The following MYO1D variants were observed in gnomAD, a reference collection of about 807,000 sequenced individuals.
The protein encoded by MYO1D is unconventional myosin-Id.
A neutral mutation model predicts 122.0 loss-of-function variants in MYO1D; 83 were observed. The observed-to-expected ratio is 0.68, with a 90% CI of 0.57 to 0.82. The LOEUF is 0.82. Among genes scored for constraint, MYO1D ranks in the 40% least tolerant of loss-of-function variants. The pLI is 0.00. For synonymous variants in MYO1D, 464 were observed against 446.9 expected, an observed-to-expected ratio of 1.04 and a Z score of -0.48; for missense variants, 1,157 against 1,269.5, an observed-to-expected ratio of 0.91 and a Z score of 1.35.
In MYO1D at chr17:32,659,236, C is replaced by A; in HGVS notation, c.2224G>T (p.Glu742Ter). 6.2e-7 allele frequency: 1 copy of A among 1,614,194 alleles called. No individual in the cohort carries two copies. Among genetic ancestry groups the A allele is most frequent in the Non-Finnish European group, 8.5e-7 (1 of 1,180,036 alleles). ...RRYKVKSYIH[E>*]VARRFHGVKT... ...ACGCCATGGAAGCGTCTGGCCACCT[C>A]GTGGATGTACGACTTCACTTTGTAG... The change falls in exon 17 of 22, where the codon GAG becomes TAG. Residue 742 changes from glutamate (E) to a stop codon, truncating the protein, a stop_gained. Coordinates refer to ENST00000318217, the MANE Select transcript of MYO1D (RefSeq NM_015194.3). LOFTEE classifies it high-confidence loss of function.
chr17:32,833,094 G>A (rs1469157508), intron 1 of MYO1D, among the ~76,000 whole-genome samples: 1 of 152,092 alleles, frequency 6.6e-6, no homozygotes, highest in Non-Finnish European at 1.5e-5. Flanking sequence ...ACATCCACTT[G>A]CCTACTTAGC....
chr17:32,506,026 G>A (rs892138541), intron 21 of MYO1D, among the ~76,000 whole-genome samples: 5 of 152,226 alleles, frequency 3.3e-5, no homozygotes, highest in Non-Finnish European at 7.3e-5. Flanking sequence ...TGAGACCAGT[G>A]TGGGTAACAT....
In MYO1D at chr17:32,654,464, C is replaced by T. The variant is rs777793216; in HGVS notation, c.2490+13G>A. On this transcript the variant is annotated intron_variant, in intron 18 of 21. Coordinates refer to ENST00000318217, the MANE Select transcript of MYO1D (RefSeq NM_015194.3). ...AAGTAGAAGTAGATTTCACTTTGTT[C>T]CCTTGGACTTACTGAAGCAAGATAG... is the stretch of plus-strand genomic sequence containing the variant. The T allele has an allele frequency of 3.7e-6, 6 of 1,603,956 alleles. No individual in the cohort carries two copies. The South Asian group carries it at 6.7e-5, about 18-fold the overall frequency.
intron 6 of MYO1D, 44 bp from the exon 7 acceptor site, chr17:32,767,796 G>A (rs762637367): frequency 8.6e-6 from 12 of 1,387,848 alleles, no homozygotes; most frequent in African/African-American, 2.8e-5. Flanking sequence ...TATTTCCTAT[G>A]AGCATTAAAA....
chr17:32,686,964 AAC>A (rs57125657), intron 16 of MYO1D, among the ~76,000 whole-genome samples: 12,426 of 145,262 alleles, frequency 0.086, 570 homozygotes, highest in East Asian at 0.16. Flanking sequence ...CCTGTTTCAA[AAC>A]ACACACACAC....
At chr17:32,829,713 C>T (rs1598136615) in intron 1 of MYO1D, among the ~76,000 whole-genome samples, 1 of 152,294 alleles carries the variant, frequency 6.6e-6, no homozygotes, top group Non-Finnish European at 1.5e-5. Flanking sequence ...CTCGGCCTCC[C>T]AAAGTGCTGG....
intron 14 of MYO1D, among the ~76,000 whole-genome samples, 180 bp downstream of exon 14, chr17:32,738,073 C>T (rs1246577183): frequency 1.3e-5 from 2 of 152,164 alleles, no homozygotes; most frequent in Admixed American, 6.5e-5. Context: ...CACCAACAAT[C>T]GTTCCACTGA....
At chr17:32,775,604 TG>T (rs2090163758) in intron 4 of MYO1D, among the ~76,000 whole-genome samples, 1 of 152,182 alleles carries the variant, frequency 6.6e-6, no homozygotes, top group Non-Finnish European at 1.5e-5. Context: ...ACCCAGAAGC[TG>T]GCACACACTC....
Position 32,806,790 on chromosome 17 carries a change from T to C in MYO1D, c.96-26006A>G, listed in dbSNP as rs181326949. On this transcript the variant is annotated intron_variant, in intron 1 of 21. Transcript: ENST00000318217. ...CAAGGGTGTTTGGCTTTCCAAGGTGTTGCTAGTCTGTTCCTTGCTTGTTCA... is the reference window on the plus strand; with the variant it reads ...CAAGGGTGTTTGGCTTTCCAAGGTGCTGCTAGTCTGTTCCTTGCTTGTTCA... 1.1e-4 allele frequency among the ~76,000 whole-genome samples: 17 copies of C among 152,336 alleles called. 1 individual carries two copies. Among genetic ancestry groups the C allele is most frequent in the Admixed American group, 9.1e-4 (14 of 15,302 alleles).
chr17:32,695,249 T>C (rs1462981703), intron 16 of MYO1D, among the ~76,000 whole-genome samples: 2 of 152,232 alleles, frequency 1.3e-5, no homozygotes, highest in African/African-American at 4.8e-5. Context: ...ATCCCTTGCA[T>C]GCGCAGTTCA....
chr17:32,771,984 T>C (rs1260843158), intron 5 of MYO1D, among the ~76,000 whole-genome samples: 1 of 152,202 alleles, frequency 6.6e-6, no homozygotes, highest in African/African-American at 2.4e-5. Context: ...AGTCTAATTA[T>C]CAGATTTTAA....
chr17:32,809,675 T>C (rs1166717208), intron 1 of MYO1D, among the ~76,000 whole-genome samples: 1 of 152,124 alleles, frequency 6.6e-6, no homozygotes. Context: ...CTGGCCTCAA[T>C]TAATCTGCCT....
chr17:32,582,480 T>C (rs1439853502), intron 21 of MYO1D, among the ~76,000 whole-genome samples: 2 of 152,188 alleles, frequency 1.3e-5, no homozygotes, highest in African/African-American at 4.8e-5. Context: ...CAGGGATCTT[T>C]TTGCTGTTGA....
intron 16 of MYO1D, among the ~76,000 whole-genome samples, chr17:32,666,341 A>G (rs1567938267): frequency 6.6e-6 from 1 of 152,020 alleles, no homozygotes; most frequent in Non-Finnish European, 1.5e-5. Context: ...TTACTTCTAA[A>G]CTTATGCTGA....
intron 15 of MYO1D, among the ~76,000 whole-genome samples, chr17:32,714,963 A>G (rs2089424510): frequency 6.6e-6 from 1 of 151,770 alleles, no homozygotes; most frequent in Non-Finnish European, 1.5e-5. Context: ...GCAAATGTAC[A>G]AGAAAAAAAA....
At chr17:32,625,257 GACTT>G (rs1479900899) in intron 20 of MYO1D, among the ~76,000 whole-genome samples, 1 of 151,964 alleles carries the variant, frequency 6.6e-6, no homozygotes, top group Admixed American at 6.6e-5. Flanking sequence ...ATGTAAGAAA[GACTT>G]AAATAGATAA....
chr17:32,705,817 G>A (rs562463750), intron 16 of MYO1D, among the ~76,000 whole-genome samples: 10 of 152,264 alleles, frequency 6.6e-5, no homozygotes, highest in Admixed American at 6.5e-4. Context: ...CATAGGGGCA[G>A]TTTCCCCCAT....
intron 21 of MYO1D, among the ~76,000 whole-genome samples, chr17:32,582,620 C>T (rs2087352466): frequency 1.3e-5 from 2 of 152,160 alleles, no homozygotes; most frequent in Admixed American, 6.5e-5. Flanking sequence ...TATTCTGATG[C>T]TGTTGGGCAG....
intron 1 of MYO1D, among the ~76,000 whole-genome samples, chr17:32,849,892 TACA>T (rs2090971598): frequency 6.6e-6 from 1 of 152,214 alleles, no homozygotes; most frequent in African/African-American, 2.4e-5. Flanking sequence ...GTGTCCCTTC[TACA>T]GTTTAAAACA....
Sources: allele counts gnomAD v4.1 joint callset (sites outside exome capture counted in the v4.1 genomes callset), GRCh38; gene constraint gnomAD v4.1.1; transcripts MANE v1.5; gene names NCBI Gene and HGNC (gene_info 2026-07-23, HGNC 2026-07-21).